Variants in KLHL20 observed in about 807,000 individuals in gnomAD.
KLHL20 encodes the protein kelch like family member 20, also known as kelch-like protein 20.
Under a neutral mutation model 69.5 loss-of-function variants are expected in KLHL20, and 29 were observed. That is an observed-to-expected ratio of 0.42 (90% CI 0.31 to 0.57). The LOEUF (loss-of-function observed/expected upper bound fraction) is 0.57, where lower values mean the gene tolerates loss of function less well. Ranked by LOEUF, KLHL20 falls within the 20% of genes least tolerant of loss-of-function variation. KLHL20 has a pLI of 0.18. For missense variants in KLHL20, 419 were observed against 776.0 expected (o/e 0.54, Z 5.47); for synonymous variants, 253 against 265.2 (o/e 0.95, Z 0.45).
chr1:173,730,039 G>A (rs534960775), intron 2 of KLHL20, among the ~76,000 whole-genome samples: 16 of 152,194 alleles, frequency 1.1e-4, no homozygotes, highest in East Asian at 5.8e-4. Context: ...TACAAAATCA[G>A]TGTGCAAAAA....
At chr1:173,758,683 G>A (rs1289922168) in intron 7 of KLHL20, among the ~76,000 whole-genome samples, 10 of 152,180 alleles carry the variant, frequency 6.6e-5, no homozygotes, top group Non-Finnish European at 1.0e-4. Context: ...AGAGGCAAGC[G>A]AAATAACAGG....
At chr1:173,757,994 G>T in intron 7 of KLHL20, among the ~76,000 whole-genome samples, 1 of 152,192 alleles carries the variant, frequency 6.6e-6, no homozygotes, top group East Asian at 1.9e-4. Flanking sequence ...AAACGCTGCC[G>T]CATATCAAGT....
At chr1:173,743,537 T>TAA (rs78701973) in intron 3 of KLHL20, among the ~76,000 whole-genome samples, 27 of 149,944 alleles carry the variant, frequency 1.8e-4, no homozygotes, top group African/African-American at 6.8e-4. Flanking sequence ...AGTGGTGATT[T>TAA]TAAAAAAAAA....
intron 6 of KLHL20, 146 bp downstream of exon 6, chr1:173,756,184 T>G: frequency 1.6e-6 from 1 of 611,518 alleles, no homozygotes; most frequent in African/African-American, 1.9e-5. Flanking sequence ...TAACCCATGA[T>G]TCCACACTGA....
rs1649188960 is a variant in KLHL20, at chr1:173,786,090, T to G, written c.*843T>G. ...AAAGCAACTGTCCTTCCTGTTTCCT[T>G]ATTGCTACCAAGGACCAGCAGGGAG... On this transcript the variant is annotated 3_prime_UTR_variant, in exon 12 of 12. Coordinates refer to ENST00000209884, the MANE Select transcript of KLHL20 (RefSeq NM_014458.4). The G allele has an allele frequency of 6.6e-6, 1 of 152,378 alleles. No individual in the cohort carries two copies. The highest frequency in any genetic ancestry group is 6.5e-5 in the Admixed American group (1 of 15,286). 9.4% of individuals were successfully genotyped at this position (152,378 alleles called of 1,614,324 possible).
chr1:173,751,966 G>T, intron 4 of KLHL20, 44 bp downstream of exon 4: 3 of 1,578,384 alleles, frequency 1.9e-6, no homozygotes, highest in South Asian at 1.1e-5. Context: ...GACCGGGCAT[G>T]GTGGCTCATG....
intron 7 of KLHL20, among the ~76,000 whole-genome samples, chr1:173,757,755 ATGAG>A (rs1198053827): frequency 6.6e-6 from 1 of 152,110 alleles, no homozygotes; most frequent in African/African-American, 2.4e-5. Flanking sequence ...TACCATACAG[ATGAG>A]TTAGTTACTA....
intron 7 of KLHL20, among the ~76,000 whole-genome samples, chr1:173,760,897 A>G (rs902154792): frequency 6.6e-6 from 1 of 152,234 alleles, no homozygotes; most frequent in Non-Finnish European, 1.5e-5. Context: ...ACATTTCAAT[A>G]CTAACATTGA....
At chr1:173,718,855 A>G (rs2102449457) in intron 2 of KLHL20, among the ~76,000 whole-genome samples, 1 of 152,364 alleles carries the variant, frequency 6.6e-6, no homozygotes, top group African/African-American at 2.4e-5. Context: ...CTGTAATCCC[A>G]GCACTTTGGG....
chr1:173,719,908 C>G (rs1177818304), intron 2 of KLHL20, among the ~76,000 whole-genome samples: 1 of 152,122 alleles, frequency 6.6e-6, no homozygotes, highest in Non-Finnish European at 1.5e-5. Flanking sequence ...TATAGTACCA[C>G]TCTATTCCTG....
At chr1:173,776,389 G>A (rs748406112) in intron 10 of KLHL20, among the ~76,000 whole-genome samples, 4 of 151,934 alleles carry the variant, frequency 2.6e-5, no homozygotes, top group African/African-American at 9.7e-5. Flanking sequence ...CACTTTGTTG[G>A]TTGTTTCCTT....
At chr1:173,780,694 T>C (rs1648806541) in intron 10 of KLHL20, among the ~76,000 whole-genome samples, 1 of 152,124 alleles carries the variant, frequency 6.6e-6, no homozygotes, top group South Asian at 2.1e-4. Flanking sequence ...GGAGGATCAC[T>C]TGAACCTAAG....
intron 8 of KLHL20, among the ~76,000 whole-genome samples, chr1:173,766,623 A>G (rs760292355): frequency 6.6e-6 from 1 of 150,696 alleles, no homozygotes; most frequent in Non-Finnish European, 1.5e-5. Flanking sequence ...GCCTGGGTGC[A>G]AAGTGAGACC....
intron 8 of KLHL20, among the ~76,000 whole-genome samples, chr1:173,773,174 G>A (rs972103785): frequency 4.0e-5 from 6 of 151,612 alleles, no homozygotes; most frequent in African/African-American, 1.2e-4. Context: ...CTGTGTTGAC[G>A]AGGCTGGTCT....
intron 8 of KLHL20, among the ~76,000 whole-genome samples, chr1:173,771,200 T>A (rs909798878): frequency 1.3e-5 from 2 of 152,220 alleles, no homozygotes; most frequent in African/African-American, 2.4e-5. Context: ...CTTGTTCCCT[T>A]GAGCCCTCTA....
At chr1:173,767,901 CT>C (rs924173773) in intron 8 of KLHL20, among the ~76,000 whole-genome samples, 1 of 152,018 alleles carries the variant, frequency 6.6e-6, no homozygotes, top group Non-Finnish European at 1.5e-5. Context: ...TGTAATCTTA[CT>C]TTTTTTGCTT....
intron 2 of KLHL20, among the ~76,000 whole-genome samples, chr1:173,718,064 T>C (rs1671543891): frequency 6.6e-6 from 1 of 152,106 alleles, no homozygotes; most frequent in Non-Finnish European, 1.5e-5. Flanking sequence ...CATACACAAA[T>C]GTATATAAGA....
intron 8 of KLHL20, 39 bp from the exon 9 acceptor site, chr1:173,774,266 A>G (rs1648302722): frequency 2.5e-6 from 4 of 1,612,930 alleles, no homozygotes; most frequent in Non-Finnish European, 2.5e-6. Flanking sequence ...GGCTTCACTT[A>G]ATAAGAACAA....
chr1:173,727,964 TAA>T (rs60852177), intron 2 of KLHL20, among the ~76,000 whole-genome samples: 34,680 of 151,954 alleles, frequency 0.23, 4,403 homozygotes, highest in Middle Eastern at 0.39. Flanking sequence ...GCAAATTGGA[TAA>T]AGAGTCAAGA....
Sources: gnomAD v4.1 joint callset for allele counts (sites outside exome capture counted in the v4.1 genomes callset) on GRCh38, gnomAD v4.1.1 for gene constraint, MANE v1.5 for transcripts, NCBI Gene and HGNC (gene_info 2026-07-23, HGNC 2026-07-21) for gene names.